The following MARCHF1 variants were observed in gnomAD, a reference collection of about 807,000 sequenced individuals.
The protein encoded by MARCHF1 is membrane associated ring-CH-type finger 1, also known as E3 ubiquitin-protein ligase MARCHF1.
In MARCHF1, 40 loss-of-function variants were observed where a neutral mutation model predicts 54.2. The ratio of observed to expected loss-of-function variants is 0.74; its 90% CI spans 0.57 to 0.96. The LOEUF is 0.96. MARCHF1 is among the 40% of genes least tolerant of loss of function. The pLI is 0.00. For missense variants in MARCHF1, 586 were observed against 656.5 expected (o/e 0.89, Z 1.17); for synonymous variants, 236 against 236.3 (o/e 1.00, Z 0.01).
In MARCHF1 at chr4:163,737,263, T is replaced by C. The variant is rs1335239555; in HGVS notation, c.112-36400A>G. 7.1e-5 allele frequency among the ~76,000 whole-genome samples: 5 copies of C among 70,398 alleles called. 1 individual carries two copies. Among genetic ancestry groups the C allele is most frequent in the Non-Finnish European group, 1.8e-4 (4 of 22,136 alleles). The allele number at this position is 70,398 out of a possible 152,430, so 46.2% of individuals were successfully genotyped here. A position where few individuals can be genotyped will look rare whatever the true frequency, so the allele number is the denominator to read the frequency against. On this transcript the variant is annotated intron_variant, in intron 4 of 9. Transcript: ENST00000514618. ...TAAGTTTTAGGGTACATGTGCACAT[T>C]GTGCAGGTTAGTTACATATGTATAC... is the stretch of plus-strand genomic sequence containing the variant.
intron 4 of MARCHF1, among the ~76,000 whole-genome samples, chr4:163,710,117 A>G (rs1579215286): frequency 6.6e-6 from 1 of 152,158 alleles, no homozygotes; most frequent in Admixed American, 6.6e-5. Context: ...CTTCAGGATC[A>G]CTATGAAAAG....
chr4:163,602,716 G>C (rs964793966), intron 7 of MARCHF1, among the ~76,000 whole-genome samples: 1 of 152,208 alleles, frequency 6.6e-6, no homozygotes, highest in African/African-American at 2.4e-5. Context: ...AGGTTGGTTA[G>C]TGTAATCTTT....
intron 1 of MARCHF1, among the ~76,000 whole-genome samples, chr4:164,350,616 A>T (rs1730259721): frequency 6.6e-6 from 1 of 152,192 alleles, no homozygotes; most frequent in Non-Finnish European, 1.5e-5. Context: ...TGTGTCCCAT[A>T]AATATGTACA....
intron 2 of MARCHF1, among the ~76,000 whole-genome samples, chr4:164,059,814 T>A (rs1754575632): frequency 6.6e-6 from 1 of 152,154 alleles, no homozygotes; most frequent in Admixed American, 6.5e-5. Context: ...TATACTTGTT[T>A]GAAATGAATA....
At chr4:164,171,859 C>A (rs1308190878) in intron 1 of MARCHF1, among the ~76,000 whole-genome samples, 3 of 152,144 alleles carry the variant, frequency 2.0e-5, no homozygotes, top group African/African-American at 7.2e-5. Context: ...AATAGTAATA[C>A]AGGAAATCCA....
chr4:163,538,883 C>A (rs1273983459), intron 9 of MARCHF1, among the ~76,000 whole-genome samples: 1 of 152,186 alleles, frequency 6.6e-6, no homozygotes, highest in Non-Finnish European at 1.5e-5. Context: ...TATCCCATCA[C>A]CTATTGACAC....
intron 3 of MARCHF1, among the ~76,000 whole-genome samples, chr4:163,865,929 T>A (rs959716090): frequency 1.3e-5 from 2 of 151,706 alleles, no homozygotes; most frequent in African/African-American, 4.8e-5. Context: ...TCTGCCCTTA[T>A]TAAGGTAATA....
chr4:163,829,030 C>T (rs535493588), intron 4 of MARCHF1: 1 of 152,186 alleles, frequency 6.6e-6, no homozygotes, highest in Non-Finnish European at 1.5e-5. Context: ...GGGAAGGGCA[C>T]TTGGCCAGCC....
At chr4:163,663,682 G>C (rs558951580) in intron 5 of MARCHF1, among the ~76,000 whole-genome samples, 8 of 152,126 alleles carry the variant, frequency 5.3e-5, no homozygotes, top group Admixed American at 5.2e-4. Context: ...TCCTGGCGCG[G>C]TGCTCTCTCC....
chr4:163,815,819 G>A (rs1360722064), intron 4 of MARCHF1, among the ~76,000 whole-genome samples: 1 of 152,092 alleles, frequency 6.6e-6, no homozygotes, highest in Non-Finnish European at 1.5e-5. Context: ...AATCATAGAA[G>A]CCACCTGCTT....
intron 4 of MARCHF1, among the ~76,000 whole-genome samples, chr4:163,816,339 G>T (rs1579309556): frequency 6.6e-6 from 1 of 151,278 alleles, no homozygotes; most frequent in South Asian, 2.1e-4. Flanking sequence ...CTTCAAAAAA[G>T]CATTTAGAAC....
intron 3 of MARCHF1, among the ~76,000 whole-genome samples, chr4:163,929,964 A>T (rs28437374): frequency 0.8 from 88,766 of 110,914 alleles, 34,207 homozygotes; most frequent in South Asian, 0.87. Context: ...ATTATATATA[A>T]TATATATAAT....
intron 1 of MARCHF1, among the ~76,000 whole-genome samples, chr4:164,172,342 T>G (rs1311136255): frequency 2.0e-5 from 3 of 152,240 alleles, no homozygotes; most frequent in Non-Finnish European, 4.4e-5. Context: ...TTGATAAGCT[T>G]CAATTTTATT....
At chr4:164,172,972 C>T (rs755268727) in intron 1 of MARCHF1, among the ~76,000 whole-genome samples, 224 of 104,960 alleles carry the variant, frequency 2.1e-3, no homozygotes, top group African/African-American at 8.9e-3. Flanking sequence ...CAGAGCGAGA[C>T]TCCGTCTCAA....
intron 2 of MARCHF1, among the ~76,000 whole-genome samples, chr4:164,100,679 C>A (rs893658348): frequency 6.6e-6 from 1 of 152,178 alleles, no homozygotes; most frequent in Non-Finnish European, 1.5e-5. Context: ...TGAGTTGTCT[C>A]CCCTAAAACT....
At chr4:164,219,031 A>G (rs1377330098) in intron 1 of MARCHF1, among the ~76,000 whole-genome samples, 1 of 151,998 alleles carries the variant, frequency 6.6e-6, no homozygotes, top group Non-Finnish European at 1.5e-5. Flanking sequence ...TTATTCCATT[A>G]TTTCCTATGA....
intron 1 of MARCHF1, among the ~76,000 whole-genome samples, chr4:164,303,724 C>T (rs951089890): frequency 1.7e-5 from 2 of 117,036 alleles, no homozygotes; most frequent in Admixed American, 9.5e-5. Flanking sequence ...GCCACTGCAC[C>T]CACACACCCC....
intron 3 of MARCHF1, among the ~76,000 whole-genome samples, chr4:163,870,508 A>T (rs931161085): frequency 4.6e-5 from 7 of 152,092 alleles, no homozygotes; most frequent in Admixed American, 3.3e-4. Context: ...AATATATATA[A>T]AAAAGATTCT....
rs7674550 is a variant in MARCHF1 at position 164,296,124 on chromosome 4, A to G, written c.-323+87746T>C. 3.6e-3 allele frequency among the ~76,000 whole-genome samples: 546 copies of G among 152,314 alleles called. 4 individuals carry two copies. The highest frequency in any genetic ancestry group is 0.013 in the African/African-American group (527 of 41,586). ...TTTTGAAATTTTCAAATAAAAAAAAATTTACCTTAACTTAAAAAGTAATTA... is the reference window on the plus strand; with the variant it reads ...TTTTGAAATTTTCAAATAAAAAAAAGTTTACCTTAACTTAAAAAGTAATTA... On this transcript the variant is annotated intron_variant, in intron 1 of 9. Transcript: ENST00000514618.
Sources: allele counts gnomAD v4.1 joint callset (sites outside exome capture counted in the v4.1 genomes callset), GRCh38; gene constraint gnomAD v4.1.1; transcripts MANE v1.5; gene names NCBI Gene and HGNC (gene_info 2026-07-23, HGNC 2026-07-21).